The following ATP13A4 variants were observed in gnomAD, a reference collection of about 807,000 sequenced individuals.
ATP13A4 encodes probable cation-transporting ATPase 13A4.
ATP13A4 carries 114 observed loss-of-function variants against 142.5 expected under a neutral mutation model. The observed-to-expected ratio is 0.80, with a 90% CI of 0.69 to 0.93. The LOEUF (loss-of-function observed/expected upper bound fraction) is 0.93. ATP13A4 is among the 40% of genes least tolerant of loss of function. The pLI, the probability that ATP13A4 is intolerant of heterozygous loss-of-function variation, is 0.00. For synonymous variants in ATP13A4, 488 were observed against 514.8 expected, an observed-to-expected ratio of 0.95 and a Z score of 0.70; for missense variants, 1,392 against 1,454.0, an observed-to-expected ratio of 0.96 and a Z score of 0.69.
At chr3:193,403,415 C>T (rs1275849161) in intron 29 of ATP13A4, among the ~76,000 whole-genome samples, 3 of 152,186 alleles carry the variant, frequency 2.0e-5, no homozygotes, top group African/African-American at 4.8e-5. Flanking sequence ...AAATTAGTTA[C>T]TCTATCCATG....
intron 2 of ATP13A4, among the ~76,000 whole-genome samples, chr3:193,514,353 C>T (rs1577039821): frequency 6.6e-6 from 1 of 152,090 alleles, no homozygotes; most frequent in Non-Finnish European, 1.5e-5. Context: ...TCTGTTCCTG[C>T]GTTAGTTTGC....
intron 1 of ATP13A4, among the ~76,000 whole-genome samples, chr3:193,546,882 G>T (rs1723258780): frequency 6.6e-6 from 1 of 152,190 alleles, no homozygotes; most frequent in Non-Finnish European, 1.5e-5. Flanking sequence ...TTGCTGAGAG[G>T]ATTAAATAAA....
chr3:193,585,191 G>T (rs764124630), intron 1 of ATP13A4, among the ~76,000 whole-genome samples: 1 of 152,176 alleles, frequency 6.6e-6, no homozygotes, highest in Non-Finnish European at 1.5e-5. Flanking sequence ...GCAAAGGTTC[G>T]TGGCTCACTT....
chr3:193,450,300 G>T (rs1717204377), intron 17 of ATP13A4, among the ~76,000 whole-genome samples: 1 of 152,120 alleles, frequency 6.6e-6, no homozygotes, highest in Admixed American at 6.6e-5. Flanking sequence ...CACTCATGCG[G>T]TGCCCAACAC....
At chr3:193,539,230 C>T (rs1299427338) in intron 1 of ATP13A4, among the ~76,000 whole-genome samples, 1 of 152,124 alleles carries the variant, frequency 6.6e-6, no homozygotes, top group Non-Finnish European at 1.5e-5. Flanking sequence ...CATATGTCCC[C>T]AAGGGCCATA....
At position 193,520,232 on chromosome 3, in the gene ATP13A4, A is replaced by G. The variant is rs966554573; in HGVS notation, c.61-5361T>C. The stretch of plus-strand genomic sequence containing the variant: ...AAGAGAGAAGGAGGGAAGGGAAGTT[A>G]ATAAACCCGTACTCTCCTTGTTCCT... On this transcript the variant is annotated intron_variant, in intron 1 of 29. Coordinates refer to ENST00000342695, the MANE Select transcript of ATP13A4 (RefSeq NM_032279.4). Among the ~76,000 whole-genome samples, 3 of 152,144 alleles carry G rather than the reference A, an allele frequency of 2.0e-5. No individual in the cohort carries two copies. The East Asian group carries it at 5.8e-4, about 29-fold the overall frequency.
chr3:193,498,846 A>G (rs1720385373), intron 3 of ATP13A4, among the ~76,000 whole-genome samples: 1 of 152,204 alleles, frequency 6.6e-6, no homozygotes, highest in Non-Finnish European at 1.5e-5. Context: ...TAGGTATTCT[A>G]TGTGCAAGAA....
intron 3 of ATP13A4, among the ~76,000 whole-genome samples, chr3:193,498,576 G>A (rs1398052228): frequency 6.6e-6 from 1 of 152,134 alleles, no homozygotes; most frequent in East Asian, 1.9e-4. Context: ...CATCTGGGGA[G>A]CTTTGAAAAA....
At chr3:193,452,248 C>G (rs573626731) in intron 17 of ATP13A4, among the ~76,000 whole-genome samples, 3 of 152,312 alleles carry the variant, frequency 2.0e-5, no homozygotes, top group South Asian at 4.2e-4. Flanking sequence ...TCTGCTCTGT[C>G]CCTTCCCTTC....
chr3:193,457,198 T>G, intron 15 of ATP13A4, 45 bp from the exon 16 acceptor site: 2 of 1,609,892 alleles, frequency 1.2e-6, no homozygotes, highest in Non-Finnish European at 1.7e-6. Flanking sequence ...TGATACAGCT[T>G]CTAGCTACTG....
chr3:193,411,821 T>A (rs1714779901), intron 27 of ATP13A4, among the ~76,000 whole-genome samples: 1 of 152,166 alleles, frequency 6.6e-6, no homozygotes, highest in South Asian at 2.1e-4. Context: ...AGAGACAGGA[T>A]CCACTTGAGT....
At chr3:193,535,082 A>T (rs1722523818) in intron 1 of ATP13A4, among the ~76,000 whole-genome samples, 1 of 152,118 alleles carries the variant, frequency 6.6e-6, no homozygotes, top group Non-Finnish European at 1.5e-5. Flanking sequence ...CCCAGCTAAA[A>T]GCCAAAGACC....
At chr3:193,569,900 C>T (rs1273086279) in intron 2 of ATP13A4, among the ~76,000 whole-genome samples, 4 of 152,108 alleles carry the variant, frequency 2.6e-5, no homozygotes, top group South Asian at 2.1e-4. Flanking sequence ...TGAGGGAAAT[C>T]GGGTGCGGGG....
At chr3:193,572,427 T>C (rs169464) in intron 2 of ATP13A4, among the ~76,000 whole-genome samples, 108,292 of 152,176 alleles carry the variant, frequency 0.71, 38,722 homozygotes, top group African/African-American at 0.76. Flanking sequence ...ACAGCAGTCT[T>C]GCCTTTGTTT....
chr3:193,488,959 G>T (rs1352171937), intron 7 of ATP13A4, among the ~76,000 whole-genome samples: 2 of 152,172 alleles, frequency 1.3e-5, no homozygotes, highest in Non-Finnish European at 2.9e-5. Flanking sequence ...TGGAATGAGA[G>T]TTCAGGGAAG....
rs1368846875 is a variant in ATP13A4, at chr3:193,439,018, C to CTT, written c.2562+3_2562+4dup. 6.2e-7 allele frequency: 1 copy of CTT among 1,607,498 alleles called. No individual in the cohort carries two copies. Among genetic ancestry groups the CTT allele is most frequent in the East Asian group, 2.2e-5 (1 of 44,842 alleles). ...TTATGGCCACACAAACTGGTAGCTA[C>CTT]TTACCCCACAGTCATTGGCTCCATC... is the stretch of plus-strand genomic sequence containing the variant. On this transcript the variant is annotated splice_donor_region_variant and intron_variant, in intron 22 of 29. Coordinates refer to ENST00000342695, the MANE Select transcript of ATP13A4 (RefSeq NM_032279.4).
At chr3:193,569,364 G>C (rs1488700881) in intron 2 of ATP13A4, among the ~76,000 whole-genome samples, 1 of 152,190 alleles carries the variant, frequency 6.6e-6, no homozygotes, top group Non-Finnish European at 1.5e-5. Flanking sequence ...GCCAAGATGA[G>C]CCTAAGGAGA....
chr3:193,429,529 T>C (rs1437222553), intron 25 of ATP13A4, among the ~76,000 whole-genome samples: 1 of 152,052 alleles, frequency 6.6e-6, no homozygotes, highest in East Asian at 1.9e-4. Context: ...GATACAATGG[T>C]ACAAACTGCC....
chr3:193,526,965 C>A (rs1404341491), intron 1 of ATP13A4, among the ~76,000 whole-genome samples: 1 of 152,144 alleles, frequency 6.6e-6, no homozygotes, highest in African/African-American at 2.4e-5. Context: ...CACATACTCT[C>A]AAATGATTGA....
Sources: gnomAD v4.1 joint callset for allele counts (sites outside exome capture counted in the v4.1 genomes callset) on GRCh38, gnomAD v4.1.1 for gene constraint, MANE v1.5 for transcripts, NCBI Gene and HGNC (gene_info 2026-07-23, HGNC 2026-07-21) for gene names.